TTC6: variants seen among roughly 807,000 people sequenced by gnomAD.
TTC6 encodes tetratricopeptide repeat protein 6.
Under a neutral mutation model 210.4 loss-of-function variants are expected in TTC6, and 172 were observed. The ratio of observed to expected loss-of-function variants is 0.82; its 90% CI spans 0.72 to 0.93. The LOEUF is 0.93. Among genes scored for constraint, TTC6 ranks in the 40% least tolerant of loss-of-function variants. The pLI, the probability that TTC6 is intolerant of heterozygous loss-of-function variation, is 0.00. For missense variants in TTC6, 2,414 were observed against 2,318.1 expected (o/e 1.04, Z -0.85); for synonymous variants, 804 against 819.6 (o/e 0.98, Z 0.32).
intron 1 of TTC6, among the ~76,000 whole-genome samples, chr14:37,601,464 G>T (rs1468793082): frequency 6.6e-6 from 1 of 152,174 alleles, no homozygotes; most frequent in Non-Finnish European, 1.5e-5. Context: ...AATCAGGGAA[G>T]AATTCCTGAG....
chr14:37,604,537 C>T (rs919946640), intron 1 of TTC6, among the ~76,000 whole-genome samples: 25 of 152,070 alleles, frequency 1.6e-4, no homozygotes, highest in Non-Finnish European at 3.4e-4. Flanking sequence ...TGTCGGAGCC[C>T]GCCTGAATTT....
chr14:37,807,227 G>A, intron 22 of TTC6, 93 bp from the exon 25 acceptor site: 6 of 1,149,750 alleles, frequency 5.2e-6, no homozygotes, highest in South Asian at 2.9e-5. Context: ...CTTTTTGGGA[G>A]GCATAGATTT....
At chr14:37,672,821 ATTTT>A (rs377117749) in intron 1 of TTC6, among the ~76,000 whole-genome samples, 12 of 128,988 alleles carry the variant, frequency 9.3e-5, no homozygotes, top group East Asian at 6.7e-4. Flanking sequence ...TGAATTCCTC[ATTTT>A]TTTTTTTTTT....
intron 1 of TTC6, among the ~76,000 whole-genome samples, chr14:37,661,014 C>T (rs977396676): frequency 2.0e-5 from 3 of 152,140 alleles, no homozygotes; most frequent in African/African-American, 2.4e-5. Flanking sequence ...TGTCCTTTTC[C>T]CACTTTTTAA....
At chr14:37,746,661 T>C (rs1268372023) in intron 10 of TTC6, among the ~76,000 whole-genome samples, 1 of 152,036 alleles carries the variant, frequency 6.6e-6, no homozygotes, top group African/African-American at 2.4e-5. Context: ...GGAGGAGATA[T>C]GTGGGAGGCT....
At chr14:37,841,138 G>C (rs960994774) in intron 29 of TTC6, among the ~76,000 whole-genome samples, 68 of 152,248 alleles carry the variant, frequency 4.5e-4, no homozygotes, top group African/African-American at 1.6e-3. Context: ...CAAAGTGCTG[G>C]GATTACAGAC....
At chr14:37,736,200 A>G (rs2095901130) in intron 8 of TTC6, among the ~76,000 whole-genome samples, 190 bp downstream of exon 10, 1 of 152,110 alleles carries the variant, frequency 6.6e-6, no homozygotes, top group Non-Finnish European at 1.5e-5. Flanking sequence ...AGCCTGCCCA[A>G]TATGGTGAAA....
At chr14:37,707,887 A>G (rs988301022) in intron 5 of TTC6, among the ~76,000 whole-genome samples, 72 of 152,072 alleles carry the variant, frequency 4.7e-4, no homozygotes, top group African/African-American at 1.7e-3. Context: ...GATCTTAAGT[A>G]GGAGAACCAG....
intron 5 of TTC6, among the ~76,000 whole-genome samples, chr14:37,708,802 T>C (rs985325667): frequency 1.3e-5 from 2 of 152,076 alleles, no homozygotes; most frequent in African/African-American, 4.8e-5. Context: ...GCTTGTTCCC[T>C]CCTAGGAACT....
intron 1 of TTC6, among the ~76,000 whole-genome samples, chr14:37,658,861 T>C (rs1444665174): frequency 2.6e-5 from 4 of 152,120 alleles, no homozygotes; most frequent in Non-Finnish European, 5.9e-5. Flanking sequence ...TACAGATTAT[T>C]TCATCACCCA....
chr14:37,622,847 G>A lies in TTC6; in HGVS notation c.783G>A (p.Glu261=), dbSNP rs748847033. 4.8e-5 allele frequency: 73 copies of A among 1,534,306 alleles called. 1 individual carries two copies. The East Asian group carries it at 1.7e-3, about 35-fold the overall frequency. ...GCTGGCCGCCCAGCGACGCGCGGGA[G>A]GCCGCCTGGCAGGCGCTGCTGCCCT... Residue 261 remains glutamate (E), a synonymous_variant, in exon 1 of 31, where the codon GAG becomes GAA. Transcript: ENST00000553443.
At chr14:37,838,676 T>C (rs2139049697) in intron 29 of TTC6, among the ~76,000 whole-genome samples, 1 of 152,346 alleles carries the variant, frequency 6.6e-6, no homozygotes, top group Admixed American at 6.5e-5. Flanking sequence ...CTTTTTTTTC[T>C]TGTTTACTTT....
At chr14:37,622,450 G>A in exon 1 of TTC6, 7 of 1,535,132 alleles carry the variant, frequency 4.6e-6, no homozygotes, top group Non-Finnish European at 6.1e-6. Context: ...GCGTTCCTAC[G>A]GCACCAGGCC....
At chr14:37,837,743 G>A (rs1028717764) in intron 29 of TTC6, among the ~76,000 whole-genome samples, 1 of 152,122 alleles carries the variant, frequency 6.6e-6, no homozygotes, top group Non-Finnish European at 1.5e-5. Context: ...TAGAGTTTTA[G>A]TAACTCACCC....
intron 15 of TTC6, among the ~76,000 whole-genome samples, chr14:37,789,976 A>AT (rs2096075822): frequency 6.6e-6 from 1 of 152,082 alleles, no homozygotes; most frequent in Non-Finnish European, 1.5e-5. Flanking sequence ...ACCCCATCTA[A>AT]TTCACTAACA....
At chr14:37,786,721 G>A (rs573741909) in intron 14 of TTC6, among the ~76,000 whole-genome samples, 3 of 152,344 alleles carry the variant, frequency 2.0e-5, no homozygotes, top group African/African-American at 7.2e-5. Flanking sequence ...CATCGCTCAC[G>A]CGGGGAGCTG....
intron 5 of TTC6, among the ~76,000 whole-genome samples, chr14:37,707,544 C>T (rs2138716957): frequency 6.6e-6 from 1 of 152,104 alleles, no homozygotes; most frequent in East Asian, 1.9e-4. Context: ...ATGGCATTTA[C>T]AGATTTTTTT....
chr14:37,739,219 A>G, intron 10 of TTC6, 64 bp downstream of exon 12: 1 of 1,354,920 alleles, frequency 7.4e-7, no homozygotes, highest in Admixed American at 2.9e-5. Flanking sequence ...TTAATTTTAT[A>G]ATCTCACCCC....
At chr14:37,784,947 G>A (rs1437159017) in intron 14 of TTC6, among the ~76,000 whole-genome samples, 2 of 152,090 alleles carry the variant, frequency 1.3e-5, no homozygotes, top group East Asian at 1.9e-4. Context: ...TTGAATATTG[G>A]CCCCCACTCT....
Sources: allele counts gnomAD v4.1 joint callset (sites outside exome capture counted in the v4.1 genomes callset), GRCh38; gene constraint gnomAD v4.1.1; transcripts MANE v1.5; gene names NCBI Gene and HGNC (gene_info 2026-07-23, HGNC 2026-07-21).